The following SKIL variants were observed in gnomAD, a reference collection of about 807,000 sequenced individuals.
SKIL encodes the protein ski-like protein.
Under a neutral mutation model 69.6 loss-of-function variants are expected in SKIL, and 20 were observed. The observed-to-expected ratio is 0.29, with a 90% CI of 0.20 to 0.42. The LOEUF is 0.42. Ranked by LOEUF, SKIL falls within the 10% of genes least tolerant of loss-of-function variation. The pLI is 1.00. For synonymous variants in SKIL, 310 were observed against 279.9 expected (o/e 1.11, Z -1.08); for missense variants, 745 against 783.1 (o/e 0.95, Z 0.58).
At chr3:170,391,649 T>C (rs1369745059) in intron 6 of SKIL, among the ~76,000 whole-genome samples, 1 of 152,128 alleles carries the variant, frequency 6.6e-6, no homozygotes, top group African/African-American at 2.4e-5. Flanking sequence ...GGAATTACTT[T>C]TTGTCAAGCT....
intron 4 of SKIL, among the ~76,000 whole-genome samples, chr3:170,387,790 C>A (rs1293065555): frequency 1.0e-5 from 1 of 97,132 alleles, no homozygotes; most frequent in East Asian, 3.5e-4. Context: ...AAAAATTAGC[C>A]GGGCGTAGTG....
intron 2 of SKIL, among the ~76,000 whole-genome samples, chr3:170,371,915 TAATC>T (rs1021531060): frequency 1.3e-5 from 2 of 152,208 alleles, no homozygotes; most frequent in African/African-American, 4.8e-5. Context: ...ATAGGAAGAT[TAATC>T]AATCTCTGTT....
At chr3:170,385,518 GCTCTGGGGGCCAGGCATATAGCA>G (rs1380081481) in intron 4 of SKIL, among the ~76,000 whole-genome samples, 2 of 152,166 alleles carry the variant, frequency 1.3e-5, no homozygotes, top group African/African-American at 2.4e-5. Context: ...AGGATTGAAA[GCTCTGGGGGCCAGGCATATAGCA>G]TAAATGTGGA....
intron 2 of SKIL, among the ~76,000 whole-genome samples, chr3:170,365,530 C>CT (rs1342048740): frequency 1.3e-5 from 2 of 152,140 alleles, no homozygotes; most frequent in African/African-American, 4.8e-5. Flanking sequence ...ATTCAAAATA[C>CT]TTTTGGTCCC....
intron 2 of SKIL, among the ~76,000 whole-genome samples, chr3:170,367,555 C>T (rs1186604644): frequency 6.6e-6 from 1 of 151,858 alleles, no homozygotes; most frequent in East Asian, 1.9e-4. Flanking sequence ...CAACTTCCGC[C>T]TCCCAGGTTC....
At position 170,360,215 on chromosome 3, in the gene SKIL, A is replaced by G. The variant is rs147520993; in HGVS notation, c.-117A>G. 394 of 1,033,248 alleles carry G rather than the reference A, an allele frequency of 3.8e-4. 3 individuals are homozygous for G. The East Asian group carries it at 9.6e-3, about 25-fold the overall frequency. 64.0% of individuals were successfully genotyped at this position (1,033,248 alleles called of 1,614,324 possible). ...TAATTTAAGGGGCTCTCGCTTTGAAAGTTTGAGAGTAAGTTACGATAGGCA... is the reference window on the plus strand; with the variant it reads ...TAATTTAAGGGGCTCTCGCTTTGAAGGTTTGAGAGTAAGTTACGATAGGCA... On this transcript the variant is annotated 5_prime_UTR_variant, in exon 2 of 7. Transcript: ENST00000259119.
At chr3:170,377,509 T>TTATTAGTA (rs1383876166) in intron 2 of SKIL, among the ~76,000 whole-genome samples, 2 of 150,900 alleles carry the variant, frequency 1.3e-5, no homozygotes, top group Non-Finnish European at 3.0e-5. Context: ...TTTTGAGGTC[T>TTATTAGTA]TATTAGTATT....
intron 2 of SKIL, among the ~76,000 whole-genome samples, chr3:170,369,828 G>C (rs1262944152): frequency 1.3e-5 from 2 of 152,178 alleles, no homozygotes; most frequent in South Asian, 2.1e-4. Context: ...GCTTGAATCT[G>C]TATTTTGTTC....
chr3:170,359,107 C>G (rs892062325), intron 1 of SKIL, among the ~76,000 whole-genome samples: 8 of 152,104 alleles, frequency 5.3e-5, no homozygotes, highest in African/African-American at 1.9e-4. Context: ...AGCCCCGGTA[C>G]TACTAATTGA....
At chr3:170,378,716 T>TA (rs1234946508) in intron 2 of SKIL, among the ~76,000 whole-genome samples, 4 of 151,964 alleles carry the variant, frequency 2.6e-5, no homozygotes, top group African/African-American at 7.2e-5. Flanking sequence ...CATGTCCAGC[T>TA]AATTTTTGTA....
intron 2 of SKIL, among the ~76,000 whole-genome samples, chr3:170,373,111 T>C (rs1736867953): frequency 6.6e-6 from 1 of 151,564 alleles, no homozygotes; most frequent in African/African-American, 2.4e-5. Context: ...ATTCTCTTGT[T>C]GCAGCCCCCT....
chr3:170,366,015 C>CA, intron 2 of SKIL, among the ~76,000 whole-genome samples: 1 of 151,100 alleles, frequency 6.6e-6, no homozygotes, highest in East Asian at 1.9e-4. Context: ...CTCGGCCTCC[C>CA]AAAGTGCTGG....
rs548939684 is a variant in SKIL, at chr3:170,358,136, C to G, written c.-634+373C>G. On this transcript the variant is annotated intron_variant, in intron 1 of 6. Transcript: ENST00000259119. ...GGGATGCCCTGGTCTCGACCCGGTC[C>G]GTCAGCCCCCGGCGGCGCAGGGATC... Among the ~76,000 whole-genome samples the G allele has an allele frequency of 1.1e-3, 160 of 152,268 alleles. No individual in the cohort carries two copies. In the Middle Eastern group the frequency reaches 0.014, roughly 13 times the overall value.
At position 170,369,461 on chromosome 3, in the gene SKIL, A is replaced by AGGCAATCTCGGCTCAC. The variant is rs1560209995; in HGVS notation, c.1098+8033_1098+8048dup. Among the ~76,000 whole-genome samples the AGGCAATCTCGGCTCAC allele has an allele frequency of 5.3e-5, 8 of 152,210 alleles. No individual in the cohort carries two copies. The East Asian group carries it at 1.2e-3, about 22-fold the overall frequency. ...TTGTAGCTCAGGCTGGAGTGCAATA[A>AGGCAATCTCGGCTCAC]GGCAATCTCGGCTCACTGCAACCTC... On this transcript the variant is annotated intron_variant, in intron 2 of 6. Coordinates refer to ENST00000259119, the MANE Select transcript of SKIL (RefSeq NM_005414.5).
rs528905972 is a variant in SKIL at position 170,396,589 on chromosome 3, A to C, written c.*4172A>C. 2.6e-5 allele frequency: 4 copies of C among 152,312 alleles called. No homozygotes were observed. Among genetic ancestry groups the C allele is most frequent in the African/African-American group, 9.6e-5 (4 of 41,582 alleles). 9.4% of individuals were successfully genotyped at this position (152,312 alleles called of 1,614,324 possible). On this transcript the variant is annotated 3_prime_UTR_variant, in exon 7 of 7. Transcript: ENST00000259119. ...AAGTTGCTGTGGTTGGTTGCATTACATGACACAGAAAACTGTCCTCTACCT... is the reference window on the plus strand; with the variant it reads ...AAGTTGCTGTGGTTGGTTGCATTACCTGACACAGAAAACTGTCCTCTACCT...
In SKIL at chr3:170,394,690, C is replaced by T. The variant is rs1204540092; in HGVS notation, c.*2273C>T. The T allele has an allele frequency of 1.3e-5, 2 of 152,080 alleles. No homozygotes were observed. The highest frequency in any genetic ancestry group is 6.5e-5 in the Admixed American group (1 of 15,272). 9.4% of individuals were successfully genotyped at this position (152,080 alleles called of 1,614,324 possible). ...GAAAACTTGCCACATGACATTGTAT[C>T]GTCTTCATTTTCCAGAAGATGCGTT... On this transcript the variant is annotated 3_prime_UTR_variant, in exon 7 of 7. Coordinates refer to ENST00000259119, the MANE Select transcript of SKIL (RefSeq NM_005414.5).
chr3:170,366,696 G>GACACACACACACACAC (rs376902100), intron 2 of SKIL, among the ~76,000 whole-genome samples: 17 of 147,692 alleles, frequency 1.2e-4, no homozygotes, highest in African/African-American at 3.5e-4. Flanking sequence ...CACACACACA[G>GACACACACACACACAC]ACACACACAC....
chr3:170,367,557 C>T (rs190658379), intron 2 of SKIL, among the ~76,000 whole-genome samples: 4 of 152,030 alleles, frequency 2.6e-5, no homozygotes, highest in Middle Eastern at 3.4e-3. Context: ...ACTTCCGCCT[C>T]CCAGGTTCAA....
chr3:170,360,652 T>C lies in SKIL; in HGVS notation c.321T>C (p.Phe107=). Residue 107 remains phenylalanine, a synonymous_variant, in exon 2 of 7, where the codon TTT becomes TTC. Transcript: ENST00000259119. ...SQSSLGGPAA[F]SARHSQESMS... ...GCTCGCTGGGTGGACCAGCAGCATT[T>C]TCTGCTCGGCATTCCCAAGAAAGCA... is the stretch of plus-strand genomic sequence containing the variant. 2 of 1,614,210 alleles carry C rather than the reference T, an allele frequency of 1.2e-6. No homozygotes were observed. The highest frequency in any genetic ancestry group is 2.2e-5 in the South Asian group (2 of 91,078).
Sources: allele counts gnomAD v4.1 joint callset (sites outside exome capture counted in the v4.1 genomes callset), GRCh38; gene constraint gnomAD v4.1.1; transcripts MANE v1.5; gene names NCBI Gene and HGNC (gene_info 2026-07-23, HGNC 2026-07-21).